SCAPER: variants seen among roughly 807,000 people sequenced by gnomAD.
SCAPER encodes the protein S-phase cyclin A associated protein in the ER.
In SCAPER, 98 loss-of-function variants were observed where a neutral mutation model predicts 182.2. The observed-to-expected ratio is 0.54, with a 90% CI of 0.46 to 0.64. The LOEUF is 0.64. Ranked by LOEUF, SCAPER falls within the 30% of genes least tolerant of loss-of-function variation. The probability of loss-of-function intolerance (pLI) is 0.00; values close to 1 mark genes in which losing one functional copy is unlikely to be tolerated. For synonymous variants in SCAPER, 605 were observed against 564.6 expected (o/e 1.07, Z -1.01); for missense variants, 1,432 against 1,690.0 (o/e 0.85, Z 2.68).
chr15:76,730,046 G>C (rs2060828996), intron 16 of SCAPER, among the ~76,000 whole-genome samples: 1 of 152,038 alleles, frequency 6.6e-6, no homozygotes, highest in African/African-American at 2.4e-5. Flanking sequence ...TTGATTGTGA[G>C]ATGTAAATTA....
intron 21 of SCAPER, among the ~76,000 whole-genome samples, chr15:76,655,883 C>T (rs1016493909): frequency 6.6e-6 from 1 of 152,048 alleles, no homozygotes; most frequent in Non-Finnish European, 1.5e-5. Context: ...CACAGACTTG[C>T]CTTAAAAAAG....
intron 8 of SCAPER, among the ~76,000 whole-genome samples, chr15:76,782,311 G>A (rs1054831561): frequency 3.9e-5 from 6 of 152,142 alleles, no homozygotes; most frequent in Non-Finnish European, 5.9e-5. Flanking sequence ...TACTAGTAAA[G>A]GGATCAATTC....
chr15:76,473,044 T>A (rs17364330), intron 24 of SCAPER, among the ~76,000 whole-genome samples: 64,638 of 151,872 alleles, frequency 0.43, 16,499 homozygotes, highest in Middle Eastern at 0.58. Context: ...AAGAGTAGAG[T>A]TTCCATTTCT....
intron 1 of SCAPER, among the ~76,000 whole-genome samples, chr15:76,889,607 A>C (rs2074054061): frequency 6.6e-6 from 1 of 152,232 alleles, no homozygotes; most frequent in South Asian, 2.1e-4. Flanking sequence ...GGATCAATTC[A>C]ACAAAAAGAA....
intron 8 of SCAPER, among the ~76,000 whole-genome samples, chr15:76,780,072 G>C (rs767690392): frequency 2.6e-5 from 4 of 152,216 alleles, no homozygotes; most frequent in Non-Finnish European, 5.9e-5. Flanking sequence ...GCAGGGCTGG[G>C]TGCCGCCTCA....
At chr15:76,443,441 C>T (rs1165258268) in intron 25 of SCAPER, among the ~76,000 whole-genome samples, 1 of 152,144 alleles carries the variant, frequency 6.6e-6, no homozygotes, top group Non-Finnish European at 1.5e-5. Context: ...TGTGAAATCA[C>T]TGGTGTTTTA....
intron 5 of SCAPER, among the ~76,000 whole-genome samples, chr15:76,827,123 C>CAAA (rs1387919932): frequency 6.6e-6 from 1 of 152,068 alleles, no homozygotes; most frequent in African/African-American, 2.4e-5. Context: ...ATTCTTCCAC[C>CAAA]AAATTGACTT....
intron 26 of SCAPER, among the ~76,000 whole-genome samples, chr15:76,406,509 A>T (rs2044844704): frequency 2.6e-5 from 4 of 151,914 alleles, no homozygotes; most frequent in Admixed American, 2.6e-4. Flanking sequence ...TTGACTGGGT[A>T]AAGTAGCTTA....
chr15:76,760,931 T>G (rs904423332), intron 14 of SCAPER, among the ~76,000 whole-genome samples: 3 of 152,212 alleles, frequency 2.0e-5, no homozygotes, highest in African/African-American at 7.2e-5. Flanking sequence ...CAAGAAAGGT[T>G]GGTACTACTT....
intron 21 of SCAPER, among the ~76,000 whole-genome samples, chr15:76,631,568 T>C (rs192070217): frequency 6.6e-6 from 1 of 152,316 alleles, no homozygotes; most frequent in East Asian, 1.9e-4. Context: ...TGGCCGGATA[T>C]GAAATTTTAG....
chr15:76,704,679 G>C (rs147946315), intron 18 of SCAPER, among the ~76,000 whole-genome samples: 10 of 152,114 alleles, frequency 6.6e-5, no homozygotes, highest in South Asian at 2.1e-4. Flanking sequence ...AATCTACAAT[G>C]AACTCAAACA....
intron 2 of SCAPER, 29 bp from the exon 3 acceptor site, chr15:76,862,562 G>C (rs749075234): frequency 1.1e-4 from 145 of 1,299,296 alleles, no homozygotes; most frequent in Non-Finnish European, 1.5e-4. Flanking sequence ...GTACTTATTA[G>C]ATTATTAGAT....
intron 21 of SCAPER, among the ~76,000 whole-genome samples, chr15:76,662,431 C>A (rs2056265904): frequency 6.6e-6 from 1 of 151,932 alleles, no homozygotes; most frequent in Non-Finnish European, 1.5e-5. Flanking sequence ...ATTGCACAGT[C>A]CTGAGATAAG....
chr15:76,397,404 T>C (rs1169869858), intron 27 of SCAPER, among the ~76,000 whole-genome samples: 2 of 151,998 alleles, frequency 1.3e-5, no homozygotes, highest in Non-Finnish European at 2.9e-5. Context: ...TTAGTATTAG[T>C]TGTTCTTTAA....
At chr15:76,873,531 G>T (rs2072931504) in intron 2 of SCAPER, among the ~76,000 whole-genome samples, 1 of 152,106 alleles carries the variant, frequency 6.6e-6, no homozygotes, top group African/African-American at 2.4e-5. Flanking sequence ...TGTCAAATGT[G>T]CACATATCTA....
chr15:76,424,317 A>G (rs2046265510), intron 26 of SCAPER, among the ~76,000 whole-genome samples: 2 of 152,168 alleles, frequency 1.3e-5, no homozygotes, highest in Admixed American at 1.3e-4. Context: ...TTGGGTGCAT[A>G]TATGTTTAGG....
chr15:76,901,723 A>AT (rs10715597), intron 1 of SCAPER, among the ~76,000 whole-genome samples: 10 of 145,478 alleles, frequency 6.9e-5, no homozygotes, highest in African/African-American at 1.3e-4. Flanking sequence ...ATTTCTAATA[A>AT]TTTTTTTTTT....
At chr15:76,456,222 C>G (rs574659740) in intron 25 of SCAPER, among the ~76,000 whole-genome samples, 54 of 152,278 alleles carry the variant, frequency 3.5e-4, no homozygotes, top group Middle Eastern at 3.4e-3. Flanking sequence ...ATTTCTGGTT[C>G]TAGATCCTTG....
rs546298710 is a variant in SCAPER, at chr15:76,783,842, T to C, written c.773-8725A>G. ...TTTGACAAAATTCAACAGCACTTCA[T>C]GCTAAAAACTCTCAATAAACTAGGT... On this transcript the variant is annotated intron_variant, in intron 8 of 31. Transcript: ENST00000563290. 2.8e-4 allele frequency among the ~76,000 whole-genome samples: 42 copies of C among 152,340 alleles called. 1 individual carries two copies. The South Asian group carries it at 7.5e-3, about 27-fold the overall frequency.
Sources: allele counts gnomAD v4.1 joint callset (sites outside exome capture counted in the v4.1 genomes callset), GRCh38; gene constraint gnomAD v4.1.1; transcripts MANE v1.5; gene names NCBI Gene and HGNC (gene_info 2026-07-23, HGNC 2026-07-21).